MGST1: variants seen among roughly 807,000 people sequenced by gnomAD.
The protein encoded by MGST1 is glutathione S-transferase 12.
A neutral mutation model predicts 8.9 loss-of-function variants in MGST1; 5 were observed. The ratio of observed to expected loss-of-function variants is 0.56; its 90% CI spans 0.29 to 1.19. The LOEUF (loss-of-function observed/expected upper bound fraction) is 1.19, where lower values mean the gene tolerates loss of function less well. Ranked by LOEUF, MGST1 falls within the 50% of genes most tolerant of loss-of-function variation. MGST1 has a pLI of 0.08. For synonymous variants in MGST1, 54 were observed against 67.8 expected, an observed-to-expected ratio of 0.80 and a Z score of 1.00; for missense variants, 182 against 187.4, an observed-to-expected ratio of 0.97 and a Z score of 0.17.
Position 16,544,771 on chromosome 12 carries a change from A to C in MGST1, n.483-44757A>C, listed in dbSNP as rs186641803. ...TTGGGAAAAAGCACTGGGTTATGAA[A>C]AATTATAACCTATATGAAAGACTTG... On this transcript the variant is annotated intron_variant and non_coding_transcript_variant, in intron 4 of 4. Coordinates refer to the MGST1 transcript ENST00000538857. The surrounding 1 kb of genome is among the most constrained non-coding windows in gnomAD (Gnocchi z 4.8). Among the ~76,000 whole-genome samples the C allele has an allele frequency of 6.6e-6, 1 of 152,172 alleles. No individual in the cohort carries two copies. The highest frequency in any genetic ancestry group is 1.9e-4 in the East Asian group (1 of 5,176).
intron 4 of MGST1, among the ~76,000 whole-genome samples, chr12:16,501,175 C>A (rs1941504064): frequency 6.7e-6 from 1 of 149,254 alleles, no homozygotes; most frequent in African/African-American, 2.5e-5. Context: ...TATGCATTTT[C>A]TTTTAACCTG....
rs1359667485 is a variant in MGST1, at chr12:16,513,018, A to G, written n.483-76510A>G. ...AGGGACCTCAGAGTAAGTGTTTGTA[A>G]CTAATCTACTTTTCCTCCCAGTGTA... On this transcript the variant is annotated intron_variant and non_coding_transcript_variant, in intron 4 of 4. Coordinates refer to the MGST1 transcript ENST00000538857. This position sits in a 1 kb window ranked among gnomAD's most constrained non-coding sequence, Gnocchi z 4.2. 1.3e-5 allele frequency among the ~76,000 whole-genome samples: 2 copies of G among 152,206 alleles called. No individual in the cohort carries two copies. Among genetic ancestry groups the G allele is most frequent in the Non-Finnish European group, 2.9e-5 (2 of 68,036 alleles).
Position 16,389,125 on chromosome 12 carries a change from C to T in MGST1, n.778+5521C>T, listed in dbSNP as rs1565445402. 6.6e-6 allele frequency among the ~76,000 whole-genome samples: 1 copy of T among 152,146 alleles called. No homozygotes were observed. Among genetic ancestry groups the T allele is most frequent in the Non-Finnish European group, 1.5e-5 (1 of 68,016 alleles). ...ATGGTAAATACCTTGCACTGGGATTCGTTTTAATAATTAGCCATAGTGACA... is the reference window on the plus strand; with the variant it reads ...ATGGTAAATACCTTGCACTGGGATTTGTTTTAATAATTAGCCATAGTGACA... On this transcript the variant is annotated intron_variant and non_coding_transcript_variant, in intron 1 of 1. Coordinates refer to the MGST1 transcript ENST00000359720. The surrounding 1 kb of genome is among the most constrained non-coding windows in gnomAD (Gnocchi z 4.6).
chr12:16,493,783 G>A (rs750716886), intron 4 of MGST1, among the ~76,000 whole-genome samples: 67 of 152,252 alleles, frequency 4.4e-4, no homozygotes, highest in African/African-American at 1.3e-3. Context: ...AATCTGTTCC[G>A]TCTAGGACTT....
intron 4 of MGST1, among the ~76,000 whole-genome samples, chr12:16,543,266 C>T (rs1322027233): frequency 6.6e-6 from 1 of 152,090 alleles, no homozygotes; most frequent in African/African-American, 2.4e-5. Context: ...AAATGCTAGA[C>T]ACATACATGG....
rs1941502242 is a variant in MGST1, at chr12:16,500,957, T to G, written n.483-88571T>G. Among the ~76,000 whole-genome samples, 1 of 151,954 alleles carries G rather than the reference T, an allele frequency of 6.6e-6. No homozygotes were observed. The highest frequency in any genetic ancestry group is 2.4e-5 in the African/African-American group (1 of 41,396). ...TGTCTGTGCTGAAAATACAAAAAACTTAGCTGGGTATGGTGGTGTGCACCT... is the reference window on the plus strand; with the variant it reads ...TGTCTGTGCTGAAAATACAAAAAACGTAGCTGGGTATGGTGGTGTGCACCT... On this transcript the variant is annotated intron_variant and non_coding_transcript_variant, in intron 4 of 4. Coordinates refer to the MGST1 transcript ENST00000538857. This position sits in a 1 kb window ranked among gnomAD's most constrained non-coding sequence, Gnocchi z 4.3.
intron 1 of MGST1, among the ~76,000 whole-genome samples, chr12:16,428,352 T>A (rs1940911251): frequency 6.6e-6 from 1 of 151,906 alleles, no homozygotes; most frequent in South Asian, 2.1e-4. Context: ...GTAAAGTGCA[T>A]TTTCCTAATT....
intron 4 of MGST1, among the ~76,000 whole-genome samples, chr12:16,542,349 G>A (rs1375206395): frequency 2.6e-5 from 4 of 152,110 alleles, no homozygotes. Flanking sequence ...CTAATCAAAA[G>A]CATTTATTTA....
rs1205002229 is a variant in MGST1, at chr12:16,458,891, A to C, written n.482+75287A>C. Among the ~76,000 whole-genome samples, 1 of 152,044 alleles carries C rather than the reference A, an allele frequency of 6.6e-6. No individual in the cohort carries two copies. Among genetic ancestry groups the C allele is most frequent in the African/African-American group, 2.4e-5 (1 of 41,436 alleles). On this transcript the variant is annotated intron_variant and non_coding_transcript_variant, in intron 4 of 4. Transcript: ENST00000538857. This position sits in a 1 kb window ranked among gnomAD's most constrained non-coding sequence, Gnocchi z 4.0. Reference sequence around the variant, plus strand: ...AGTAGTGGCTTGTTAGGAAAGCTATATGACCTATCCTGCTGAGCTGAGAGC... The same window carrying C: ...AGTAGTGGCTTGTTAGGAAAGCTATCTGACCTATCCTGCTGAGCTGAGAGC...
chr12:16,550,831 G>A (rs1941960938), intron 4 of MGST1: 1 of 160,886 alleles, frequency 6.2e-6, no homozygotes, highest in South Asian at 1.9e-4. Context: ...TTTAAACACT[G>A]ATTGTACTAA....
At chr12:16,352,432 A>G (rs984251687) in intron 1 of MGST1, among the ~76,000 whole-genome samples, 1 of 152,322 alleles carries the variant, frequency 6.6e-6, no homozygotes, top group East Asian at 1.9e-4. Flanking sequence ...TCTAGAAGAG[A>G]CAGTACTACA....
At position 16,529,097 on chromosome 12, in the gene MGST1, C is replaced by G. The variant is rs1324788458; in HGVS notation, n.483-60431C>G. Among the ~76,000 whole-genome samples the G allele has an allele frequency of 2.0e-5, 3 of 152,128 alleles. No homozygotes were observed. The East Asian group carries it at 5.8e-4, about 29-fold the overall frequency. On this transcript the variant is annotated intron_variant and non_coding_transcript_variant, in intron 4 of 4. Transcript: ENST00000538857. The stretch of plus-strand genomic sequence containing the variant: ...AGATATGACTACTAATTTCAGGGCA[C>G]TCTTGGCTTTTCTGTAGCTCTTTTC...
intron 1 of MGST1, among the ~76,000 whole-genome samples, chr12:16,353,756 ACT>A (rs1491211722): frequency 9.7e-6 from 1 of 103,354 alleles, no homozygotes; most frequent in African/African-American, 3.8e-5. Flanking sequence ...AATATTGCAT[ACT>A]TTTTTTTTTT....
chr12:16,474,964 G>A (rs959402816), intron 4 of MGST1, among the ~76,000 whole-genome samples: 4 of 152,160 alleles, frequency 2.6e-5, no homozygotes, highest in African/African-American at 9.7e-5. Flanking sequence ...AGAGAGCACT[G>A]CTAATCAACC....
intron 4 of MGST1, among the ~76,000 whole-genome samples, chr12:16,477,440 C>T (rs1423071511): frequency 6.6e-6 from 1 of 152,102 alleles, no homozygotes; most frequent in African/African-American, 2.4e-5. Context: ...TTTGTTATTC[C>T]TTTCTATGTA....
downstream of MGST1, among the ~76,000 whole-genome samples, chr12:16,592,893 C>T (rs1943537427): frequency 6.6e-6 from 1 of 151,808 alleles, no homozygotes; most frequent in African/African-American, 2.4e-5. Flanking sequence ...ATAAACATCT[C>T]TGTTAGAACT....
At chr12:16,408,746 G>A (rs185097821) in intron 1 of MGST1, among the ~76,000 whole-genome samples, 44 of 152,020 alleles carry the variant, frequency 2.9e-4, no homozygotes, top group Non-Finnish European at 5.4e-4. Flanking sequence ...CTAGATCTCT[G>A]ATTTAATATT....
rs559624798 is a variant in MGST1, at chr12:16,479,115, T to C, written n.482+95511T>C. Among the ~76,000 whole-genome samples the C allele has an allele frequency of 1.1e-4, 16 of 152,172 alleles. 1 individual carries two copies. The highest frequency in any genetic ancestry group is 2.1e-4 in the Non-Finnish European group (14 of 68,024). On this transcript the variant is annotated intron_variant and non_coding_transcript_variant, in intron 4 of 4. Transcript: ENST00000538857. ...TTTTTGAGGTTCATCTACAGTATAGTATAGGAGTATGTATCTACTATACAT... is the reference window on the plus strand; with the variant it reads ...TTTTTGAGGTTCATCTACAGTATAGCATAGGAGTATGTATCTACTATACAT...
In MGST1 at chr12:16,363,775, A is replaced by G; in HGVS notation, c.222-20A>G. Reference sequence around the variant, plus strand: ...TAGTATTTTGAAATTAGTGTCTTTAATAGTTATCTTTTTCCACAGAGCCCA... The same window carrying G: ...TAGTATTTTGAAATTAGTGTCTTTAGTAGTTATCTTTTTCCACAGAGCCCA... On this transcript the variant is annotated intron_variant, in intron 3 of 3. Coordinates refer to ENST00000396210, the MANE Select transcript of MGST1 (RefSeq NM_020300.5). The surrounding 1 kb of genome is among the most constrained non-coding windows in gnomAD (Gnocchi z 4.6). 6.4e-7 allele frequency: 1 copy of G among 1,572,620 alleles called. No homozygotes were observed. The highest frequency in any genetic ancestry group is 8.7e-7 in the Non-Finnish European group (1 of 1,152,354).
Sources: allele counts gnomAD v4.1 joint callset (sites outside exome capture counted in the v4.1 genomes callset), GRCh38; gene constraint gnomAD v4.1.1; non-coding constraint Gnocchi (gnomAD v3.1); transcripts MANE v1.5; gene names NCBI Gene and HGNC (gene_info 2026-07-23, HGNC 2026-07-21).